Variants in CAST observed in about 807,000 individuals in gnomAD.
CAST encodes MIR583 host.
A neutral mutation model predicts 119.6 loss-of-function variants in CAST; 76 were observed. The ratio of observed to expected loss-of-function variants is 0.64; its 90% CI spans 0.53 to 0.77. CAST has a LOEUF of 0.77. CAST is among the 30% of genes least tolerant of loss of function. The probability of loss-of-function intolerance (pLI) is 0.00; values close to 1 mark genes in which losing one functional copy is unlikely to be tolerated. For synonymous variants in CAST, 319 were observed against 331.6 expected (o/e 0.96, Z 0.41); for missense variants, 953 against 946.5 (o/e 1.01, Z -0.09).
the CAST span, among the ~76,000 whole-genome samples, chr5:96,104,547 A>C: frequency 6.6e-6 from 1 of 151,902 alleles, no homozygotes; most frequent in Non-Finnish European, 1.5e-5. Context: ...ATAGTTGCAG[A>C]TATGCGGCGT....
the CAST span, among the ~76,000 whole-genome samples, chr5:95,984,498 C>G: frequency 7.9e-5 from 12 of 152,092 alleles, no homozygotes; most frequent in Non-Finnish European, 1.2e-4. Context: ...GAAAAAGTCA[C>G]TGGAAGACCA....
At chr5:96,452,218 A>G in the CAST span, among the ~76,000 whole-genome samples, 22 of 152,214 alleles carry the variant, frequency 1.4e-4, no homozygotes, top group Non-Finnish European at 2.8e-4. Context: ...ACTGTTCACA[A>G]TAGCAGAGAC....
At chr5:96,098,398 G>A in the CAST span, among the ~76,000 whole-genome samples, 5 of 151,878 alleles carry the variant, frequency 3.3e-5, no homozygotes, top group Admixed American at 1.3e-4. Flanking sequence ...ATCTTTGCCC[G>A]TGCCTATGTC....
intron 1 of CAST, among the ~76,000 whole-genome samples, chr5:96,540,335 TC>T (rs1189350947): frequency 6.6e-6 from 1 of 152,168 alleles, no homozygotes; most frequent in Non-Finnish European, 1.5e-5. Flanking sequence ...ACATTTTTTT[TC>T]CTTATCGCAC....
chr5:96,348,976 C>T, the CAST span, among the ~76,000 whole-genome samples: 1 of 152,036 alleles, frequency 6.6e-6, no homozygotes, highest in Admixed American at 6.6e-5. Flanking sequence ...TTTCATAGAG[C>T]TGGGGTTTCT....
the CAST span, among the ~76,000 whole-genome samples, chr5:96,340,766 A>C: frequency 6.6e-6 from 1 of 152,170 alleles, no homozygotes; most frequent in African/African-American, 2.4e-5. Flanking sequence ...AGAAACTTTC[A>C]CATCTTCCAA....
the CAST span, among the ~76,000 whole-genome samples, chr5:96,320,385 C>T: frequency 6.6e-6 from 1 of 151,868 alleles, no homozygotes; most frequent in Non-Finnish European, 1.5e-5. Context: ...TTATAGGCGC[C>T]TGCCACCACA....
At chr5:96,309,171 T>C in the CAST span, among the ~76,000 whole-genome samples, 3 of 152,064 alleles carry the variant, frequency 2.0e-5, no homozygotes, top group Admixed American at 6.5e-5. Flanking sequence ...AGGAGGAGTA[T>C]AGAGAGACAG....
In CAST at chr5:96,737,938, A is replaced by T; in HGVS notation, c.789A>T (p.Pro263=). Reference sequence around the variant, plus strand: ...AAGAAAATACAACGTATACTGGACCAGAAGTTTCAGTATGTGATCATGATA... The same window carrying T: ...AAGAAAATACAACGTATACTGGACCTGAAGTTTCAGTATGTGATCATGATA... ...TEEENTTYTG[P]EVSDPMSSTY... Residue 263 remains proline (P), a synonymous_variant, in exon 11 of 32, where the codon CCA becomes CCT. Transcript: ENST00000675179. The T allele has an allele frequency of 6.4e-7, 1 of 1,563,564 alleles. No individual in the cohort carries two copies. Among genetic ancestry groups the T allele is most frequent in the South Asian group, 1.1e-5 (1 of 89,822 alleles).
chr5:96,554,145 C>T (rs755568752), intron 1 of CAST, among the ~76,000 whole-genome samples: 66 of 152,326 alleles, frequency 4.3e-4, no homozygotes, highest in South Asian at 1.9e-3. Context: ...TGCTACCTGA[C>T]TTCAAACTTT....
the CAST span, among the ~76,000 whole-genome samples, chr5:96,368,333 C>A: frequency 7.9e-5 from 12 of 151,854 alleles, no homozygotes; most frequent in African/African-American, 2.9e-4. Context: ...AACCCCGTCT[C>A]TACTAAAAAT....
chr5:96,596,440 CTCAA>C (rs562551317), intron 1 of CAST, among the ~76,000 whole-genome samples: 4 of 152,220 alleles, frequency 2.6e-5, no homozygotes, highest in Non-Finnish European at 5.9e-5. Context: ...TTGATATTTG[CTCAA>C]TCAAACTGAT....
chr5:96,630,035 A>T (rs1747796176), intron 1 of CAST, among the ~76,000 whole-genome samples: 1 of 152,194 alleles, frequency 6.6e-6, no homozygotes, highest in African/African-American at 2.4e-5. Flanking sequence ...AAGGCTTGAG[A>T]TATCTGTCAC....
intron 1 of CAST, among the ~76,000 whole-genome samples, chr5:96,546,899 CA>C (rs2150181176): frequency 6.6e-6 from 1 of 152,136 alleles, no homozygotes; most frequent in African/African-American, 2.4e-5. Context: ...TTCTGAAATG[CA>C]AAAATGATCA....
the CAST span, among the ~76,000 whole-genome samples, chr5:95,971,205 T>G: frequency 6.3e-4 from 96 of 152,338 alleles, no homozygotes; most frequent in Non-Finnish European, 1.2e-3. Flanking sequence ...TATATTTGCC[T>G]CATTTTTAGG....
chr5:96,036,087 AAG>A, the CAST span, among the ~76,000 whole-genome samples: 3 of 151,848 alleles, frequency 2.0e-5, no homozygotes, highest in African/African-American at 7.3e-5. Flanking sequence ...TAAAAAAAAA[AAG>A]AGAGAGAGAA....
chr5:96,565,714 A>G (rs182211452), intron 1 of CAST, among the ~76,000 whole-genome samples: 47 of 152,160 alleles, frequency 3.1e-4, no homozygotes, highest in African/African-American at 9.9e-4. Flanking sequence ...GCAGCCCGCC[A>G]GGCTAGAGAA....
the CAST span, among the ~76,000 whole-genome samples, chr5:96,083,934 C>T: frequency 3.9e-5 from 6 of 152,158 alleles, no homozygotes; most frequent in African/African-American, 7.2e-5. Flanking sequence ...CTGCTGTTAA[C>T]GAGACTTTTG....
At chr5:96,634,138 T>G (rs1240559506) in intron 1 of CAST, among the ~76,000 whole-genome samples, 1 of 152,260 alleles carries the variant, frequency 6.6e-6, no homozygotes, top group Non-Finnish European at 1.5e-5. Flanking sequence ...CTTACTAATC[T>G]TCTGTAAGTA....
Sources: gnomAD v4.1 joint callset for allele counts (sites outside exome capture counted in the v4.1 genomes callset) on GRCh38, gnomAD v4.1.1 for gene constraint, MANE v1.5 for transcripts, NCBI Gene and HGNC (gene_info 2026-07-23, HGNC 2026-07-21) for gene names.